The following ECPAS variants were observed in gnomAD, a reference collection of about 807,000 sequenced individuals.
ECPAS encodes Ecm29 proteasome adaptor and scaffold, also known as proteasome adapter and scaffold protein ECM29.
Under a neutral mutation model 255.1 loss-of-function variants are expected in ECPAS, and 70 were observed. The ratio of observed to expected loss-of-function variants is 0.27; its 90% CI spans 0.23 to 0.33. The LOEUF (loss-of-function observed/expected upper bound fraction) is 0.33. Ranked by LOEUF, ECPAS falls within the 10% of genes least tolerant of loss-of-function variation. The pLI is 1.00. For missense variants in ECPAS, 1,817 were observed against 2,206.4 expected (o/e 0.82, Z 3.54); for synonymous variants, 784 against 775.0 (o/e 1.01, Z -0.19).
chr9:111,475,578 T>C (rs1054737824), intron 1 of ECPAS, among the ~76,000 whole-genome samples: 2 of 151,978 alleles, frequency 1.3e-5, no homozygotes, highest in South Asian at 2.1e-4. Context: ...GTACTAAAAA[T>C]ACAAAAATTA....
At chr9:111,450,249 G>C (rs1184087666) in intron 3 of ECPAS, among the ~76,000 whole-genome samples, 1 of 152,158 alleles carries the variant, frequency 6.6e-6, no homozygotes, top group East Asian at 1.9e-4. Flanking sequence ...GGGCCTCTTA[G>C]ACCTTGCTAT....
chr9:111,434,036 A>C, intron 7 of ECPAS, among the ~76,000 whole-genome samples: 1 of 152,148 alleles, frequency 6.6e-6, no homozygotes, highest in Non-Finnish European at 1.5e-5. Context: ...ACTACAAATG[A>C]CTCTATTTAG....
intron 1 of ECPAS, among the ~76,000 whole-genome samples, chr9:111,482,909 G>A (rs1446205287): frequency 6.6e-6 from 1 of 152,286 alleles, no homozygotes; most frequent in Non-Finnish European, 1.5e-5. Flanking sequence ...CACCGCGTAC[G>A]ATCGAGGGGG....
intron 2 of ECPAS, among the ~76,000 whole-genome samples, chr9:111,468,155 A>T (rs2098281774): frequency 1.3e-5 from 2 of 152,136 alleles, no homozygotes; most frequent in African/African-American, 4.8e-5. Flanking sequence ...GCCTCAAAAA[A>T]CAAAACAAAA....
intron 18 of ECPAS, among the ~76,000 whole-genome samples, chr9:111,414,900 G>A (rs552331508): frequency 2.0e-5 from 3 of 152,316 alleles, no homozygotes; most frequent in Non-Finnish European, 2.9e-5. Context: ...ATTGGAGCTG[G>A]AGGCTGTTAT....
intron 2 of ECPAS, among the ~76,000 whole-genome samples, chr9:111,459,064 C>T (rs931720363): frequency 2.0e-5 from 3 of 151,972 alleles, no homozygotes; most frequent in East Asian, 3.9e-4. Context: ...CATATGAAGT[C>T]GATTCAGTCT....
At position 111,465,443 on chromosome 9, in the gene ECPAS, G is replaced by A. The variant is rs575198996; in HGVS notation, c.22+7454C>T. On this transcript the variant is annotated intron_variant, in intron 2 of 49. Transcript: ENST00000684092. ...TAATCCGAGCTACTCGGGAAGTTGAGGCAGGAGAATTGCTTGAACCTGGGA... is the reference window on the plus strand; with the variant it reads ...TAATCCGAGCTACTCGGGAAGTTGAAGCAGGAGAATTGCTTGAACCTGGGA... Among the ~76,000 whole-genome samples, 30 of 152,132 alleles carry A rather than the reference G, an allele frequency of 2.0e-4. 1 individual carries two copies. The South Asian group carries it at 6.0e-3, about 31-fold the overall frequency.
intron 35 of ECPAS, 31 bp downstream of exon 35, chr9:111,383,180 C>G: frequency 1.2e-6 from 2 of 1,610,268 alleles, no homozygotes; most frequent in Non-Finnish European, 1.7e-6. Context: ...TGAGCAAATC[C>G]AATACATTCA....
chr9:111,361,739 T>A lies in ECPAS; in HGVS notation c.*291A>T, dbSNP rs1401052090. ...TTGCTCTGCAACTCTGTCTATTAAT[T>A]CCTTTAATAACAGCTTGAACTCTTT... On this transcript the variant is annotated 3_prime_UTR_variant, in exon 50 of 50. Coordinates refer to ENST00000684092, the MANE Select transcript of ECPAS (RefSeq NM_001364929.1). 1 of 219,250 alleles carries A rather than the reference T, an allele frequency of 4.6e-6. No individual in the cohort carries two copies. The highest frequency in any genetic ancestry group is 5.7e-5 in the Admixed American group (1 of 17,536). The allele number at this position is 219,250 out of a possible 1,614,324, so 13.6% of individuals were successfully genotyped here. A position where few individuals can be genotyped will look rare whatever the true frequency, so the allele number is the denominator to read the frequency against.
chr9:111,445,544 TA>T (rs772527218), intron 3 of ECPAS, among the ~76,000 whole-genome samples: 21 of 152,092 alleles, frequency 1.4e-4, no homozygotes, highest in Non-Finnish European at 2.4e-4. Context: ...GTATCAGTTA[TA>T]AGAAGGTATG....
At chr9:111,398,369 C>A (rs1179423907) in intron 24 of ECPAS, among the ~76,000 whole-genome samples, 1 of 152,000 alleles carries the variant, frequency 6.6e-6, no homozygotes, top group Non-Finnish European at 1.5e-5. Flanking sequence ...TAGTTAATAA[C>A]AACACAGCTG....
intron 2 of ECPAS, among the ~76,000 whole-genome samples, chr9:111,452,161 G>A (rs553069554): frequency 4.6e-5 from 7 of 152,172 alleles, no homozygotes; most frequent in Non-Finnish European, 1.0e-4. Flanking sequence ...CAAGCAGGAA[G>A]ATGGGAATGA....
intron 6 of ECPAS, 141 bp downstream of exon 6, chr9:111,440,231 T>C: frequency 4.2e-6 from 3 of 707,696 alleles, no homozygotes; most frequent in Middle Eastern, 2.7e-4. Flanking sequence ...AGCTGAAGTT[T>C]AGAAGAAAAA....
chr9:111,424,217 A>T (rs2098218254), intron 12 of ECPAS, among the ~76,000 whole-genome samples: 1 of 152,260 alleles, frequency 6.6e-6, no homozygotes, highest in Non-Finnish European at 1.5e-5. Flanking sequence ...GCACAGCTGC[A>T]CAGTAAATAA....
chr9:111,459,420 C>T (rs1188921579), intron 2 of ECPAS, among the ~76,000 whole-genome samples: 8 of 151,972 alleles, frequency 5.3e-5, no homozygotes, highest in African/African-American at 1.9e-4. Context: ...ATAAAGCTGA[C>T]TACTACTACA....
intron 18 of ECPAS, 103 bp downstream of exon 18, chr9:111,416,169 G>A (rs1044990544): frequency 1.4e-5 from 10 of 736,116 alleles, no homozygotes; most frequent in African/African-American, 5.3e-5. Context: ...ACCACAATAT[G>A]GGTTTACCTA....
In ECPAS at chr9:111,372,673, T is replaced by C. The variant is rs1368176356; in HGVS notation, c.4337-53A>G. The C allele has an allele frequency of 2.2e-6, 3 of 1,364,552 alleles. No homozygotes were observed. The African/African-American group carries it at 4.4e-5, about 20-fold the overall frequency. The allele number at this position is 1,364,552 out of a possible 1,614,324, so 84.5% of individuals were successfully genotyped here. A position where few individuals can be genotyped will look rare whatever the true frequency, so the allele number is the denominator to read the frequency against. ...GATATTTATTGTTTTTAAGGGTAAC[T>C]GATCTAAACAGGCTATTGTTCAACT... On this transcript the variant is annotated intron_variant, in intron 41 of 49. Transcript: ENST00000684092.
intron 9 of ECPAS, 23 bp from the exon 10 acceptor site, chr9:111,428,184 T>C: frequency 1.9e-6 from 3 of 1,594,372 alleles, no homozygotes; most frequent in African/African-American, 1.3e-5. Context: ...TGCTTGATTA[T>C]AACTCAGCAA....
chr9:111,398,401 C>T (rs1434771712), intron 24 of ECPAS, among the ~76,000 whole-genome samples: 1 of 152,132 alleles, frequency 6.6e-6, no homozygotes, highest in Admixed American at 6.5e-5. Context: ...AAAAACAAAA[C>T]TCCACAGCTA....
Sources: allele counts gnomAD v4.1 joint callset (sites outside exome capture counted in the v4.1 genomes callset), GRCh38; gene constraint gnomAD v4.1.1; transcripts MANE v1.5; gene names NCBI Gene and HGNC (gene_info 2026-07-23, HGNC 2026-07-21).